The following UPP1 variants were observed in gnomAD, a reference collection of about 807,000 sequenced individuals.
The protein encoded by UPP1 is UPase 1.
Under a neutral mutation model 29.6 loss-of-function variants are expected in UPP1, and 25 were observed. That is an observed-to-expected ratio of 0.85 (90% CI 0.62 to 1.18). The LOEUF (loss-of-function observed/expected upper bound fraction) is 1.18, where lower values mean the gene tolerates loss of function less well. Ranked by LOEUF, UPP1 falls within the 50% of genes most tolerant of loss-of-function variation. The pLI is 0.00. For missense variants in UPP1, 368 were observed against 410.4 expected, an observed-to-expected ratio of 0.90 and a Z score of 0.89; for synonymous variants, 165 against 159.8, an observed-to-expected ratio of 1.03 and a Z score of -0.25.
At chr7:48,088,932 A>G (rs1791655734), upstream of UPP1, 1 of 152,338 alleles carries the variant, frequency 6.6e-6, no homozygotes, top group African/African-American at 2.4e-5. Context: ...GGGTAAGAAG[A>G]TTTCCTCTGT....
chr7:48,102,076 C>T, intron 5 of UPP1, 94 bp downstream of exon 5: 2 of 1,394,704 alleles, frequency 1.4e-6, no homozygotes, highest in Non-Finnish European at 1.9e-6. Flanking sequence ...TCCCCTAACA[C>T]CTGCTTACTG....
At chr7:48,091,233 A>G (rs893352645) in intron 2 of UPP1, among the ~76,000 whole-genome samples, 1 of 151,908 alleles carries the variant, frequency 6.6e-6, no homozygotes, top group Non-Finnish European at 1.5e-5. Context: ...TAACTTACCA[A>G]TCTGATTTGA....
chr7:48,095,336 C>G (rs888671095), intron 3 of UPP1, among the ~76,000 whole-genome samples: 5 of 152,078 alleles, frequency 3.3e-5, no homozygotes, highest in Admixed American at 2.6e-4. Context: ...TCTCACCCCC[C>G]CAGTTGTCTC....
At position 48,102,942 on chromosome 7, in the gene UPP1, T is replaced by G. The variant is rs149073829; in HGVS notation, c.322-355T>G. Among the ~76,000 whole-genome samples, 228 of 152,242 alleles carry G rather than the reference T, an allele frequency of 1.5e-3. 1 individual carries two copies. The highest frequency in any genetic ancestry group is 5.3e-3 in the African/African-American group (220 of 41,552). Reference sequence around the variant, plus strand: ...AGAGAAAGGAGATAAAACTTTAACCTGTGGTGGGGTGTGGGAGAATAGGGT... The same window carrying G: ...AGAGAAAGGAGATAAAACTTTAACCGGTGGTGGGGTGTGGGAGAATAGGGT... On this transcript the variant is annotated intron_variant, in intron 5 of 8. Coordinates refer to ENST00000395564, the MANE Select transcript of UPP1 (RefSeq NM_003364.4).
At chr7:48,092,420 T>C (rs1164378490) in intron 2 of UPP1, among the ~76,000 whole-genome samples, 1 of 152,164 alleles carries the variant, frequency 6.6e-6, no homozygotes, top group Non-Finnish European at 1.5e-5. Flanking sequence ...CCCTGGCTTC[T>C]CTCTCCTCCT....
intron 4 of UPP1, among the ~76,000 whole-genome samples, chr7:48,100,154 C>T (rs1226662535): frequency 6.6e-6 from 1 of 152,208 alleles, no homozygotes; most frequent in African/African-American, 2.4e-5. Context: ...GGGCCATATG[C>T]CTCTAGGCTA....
chr7:48,101,951 T>C lies in UPP1; in HGVS notation c.290T>C (p.Met97Thr). 1 of 1,613,974 alleles carries C rather than the reference T, an allele frequency of 6.2e-7. No homozygotes were observed. The highest frequency in any genetic ancestry group is 8.5e-7 in the Non-Finnish European group (1 of 1,179,934). ...TGTGCGGGAACTGACCGCTATGCCA[T>C]GTATAAAGTAGGACCGGTGCTGTCT... ...NICAGTDRYA[M>T]YKVGPVLSVS... Residue 97 changes from methionine to threonine, a missense_variant, in exon 5 of 9, where the codon ATG becomes ACG. Transcript: ENST00000395564.
chr7:48,103,906 ATT>A (rs60570342), intron 6 of UPP1: 5 of 1,152,546 alleles, frequency 4.3e-6, no homozygotes, highest in Admixed American at 2.8e-5. Flanking sequence ...CAACAGGGAC[ATT>A]TTTTTTTTGT....
intron 5 of UPP1, 45 bp downstream of exon 5, chr7:48,102,027 C>A (rs1792454849): frequency 6.3e-7 from 1 of 1,585,444 alleles, no homozygotes; most frequent in Non-Finnish European, 8.6e-7. Context: ...GGCTCTGCAA[C>A]CCCCTGTGCC....
chr7:48,094,637 A>G, intron 2 of UPP1, 126 bp from the exon 3 acceptor site: 5 of 734,688 alleles, frequency 6.8e-6, no homozygotes, highest in Non-Finnish European at 1.2e-5. Context: ...CACAATTCAC[A>G]CACTTACATC....
intron 6 of UPP1, 55 bp downstream of exon 6, chr7:48,103,466 G>A: frequency 3.5e-6 from 5 of 1,443,970 alleles, no homozygotes; most frequent in Non-Finnish European, 4.9e-6. Flanking sequence ...ACTGGGGCAT[G>A]CCAAGGCAGC....
chr7:48,098,452 G>A (rs1792240197), intron 3 of UPP1, among the ~76,000 whole-genome samples: 2 of 152,186 alleles, frequency 1.3e-5, no homozygotes, highest in Admixed American at 6.5e-5. Context: ...AGATATATAA[G>A]ACGTGGTCAT....
At position 48,094,789 on chromosome 7, in the gene UPP1, G is replaced by A. The variant is rs781397148; in HGVS notation, c.6G>A (p.Ala2=). The change falls in exon 3 of 9, where the codon GCG becomes GCA. Residue 2 remains alanine, a synonymous_variant. Coordinates refer to ENST00000395564, the MANE Select transcript of UPP1 (RefSeq NM_003364.4). M[A]ATGANAEKAE... ...GTCCTGCCTCAGTTGGCGGAATGGC[G>A]GCCACGGGAGCCAATGCAGAGAAAG... 5.0e-6 allele frequency: 8 copies of A among 1,614,138 alleles called. No homozygotes were observed. Among genetic ancestry groups the A allele is most frequent in the South Asian group, 2.2e-5 (2 of 91,068 alleles).
chr7:48,096,692 C>CT (rs1441794549), intron 3 of UPP1, among the ~76,000 whole-genome samples: 2 of 152,050 alleles, frequency 1.3e-5, no homozygotes, highest in African/African-American at 4.8e-5. Context: ...TCATTGCTTT[C>CT]TTTTTTTTCC....
At chr7:48,095,699 A>G (rs1259181331) in intron 3 of UPP1, among the ~76,000 whole-genome samples, 1 of 151,146 alleles carries the variant, frequency 6.6e-6, no homozygotes, top group Non-Finnish European at 1.5e-5. Flanking sequence ...GCTGGAGTGC[A>G]GTGAGTGGCG....
At chr7:48,093,373 T>C (rs1791950438) in intron 2 of UPP1, among the ~76,000 whole-genome samples, 1 of 152,240 alleles carries the variant, frequency 6.6e-6, no homozygotes, top group Non-Finnish European at 1.5e-5. Flanking sequence ...AACAACTGGC[T>C]TGACCTCAGG....
intron 2 of UPP1, among the ~76,000 whole-genome samples, chr7:48,091,338 G>T (rs1156306210): frequency 1.3e-5 from 2 of 149,062 alleles, no homozygotes; most frequent in Non-Finnish European, 3.0e-5. Flanking sequence ...TAGGTAGAGA[G>T]CCCCAGGTGA....
chr7:48,089,685 C>T (rs1040942615), intron 1 of UPP1: 3 of 152,244 alleles, frequency 2.0e-5, no homozygotes, highest in Non-Finnish European at 4.4e-5. Context: ...TCGGGTCCAC[C>T]CCGTGCCTAC....
intron 8 of UPP1, 34 bp from the exon 9 acceptor site, chr7:48,108,184 C>T (rs776181646): frequency 6.9e-6 from 11 of 1,594,854 alleles, no homozygotes; most frequent in Admixed American, 1.7e-5. Context: ...AGACCCCCGG[C>T]ACCTTGCCTT....
Sources: gnomAD v4.1 joint callset for allele counts (sites outside exome capture counted in the v4.1 genomes callset) on GRCh38, gnomAD v4.1.1 for gene constraint, MANE v1.5 for transcripts, NCBI Gene and HGNC (gene_info 2026-07-23, HGNC 2026-07-21) for gene names.